The following RANBP2 variants were observed in gnomAD, a reference collection of about 807,000 sequenced individuals.
The protein encoded by RANBP2 is E3 SUMO-protein ligase RanBP2.
In RANBP2, 57 loss-of-function variants were observed where a neutral mutation model predicts 303.6. That is an observed-to-expected ratio of 0.19 (90% CI 0.15 to 0.23). The LOEUF is 0.23. Ranked by LOEUF, RANBP2 falls within the 10% of genes least tolerant of loss-of-function variation. The pLI is 1.00. For missense variants in RANBP2, 3,138 were observed against 3,780.8 expected (o/e 0.83, Z 4.46); for synonymous variants, 1,167 against 1,301.5 (o/e 0.90, Z 2.23).
At chr2:109,658,014 C>T in the RANBP2 span, among the ~76,000 whole-genome samples, 6 of 151,834 alleles carry the variant, frequency 4.0e-5, no homozygotes, top group South Asian at 2.1e-4. Context: ...GCCACCGTGC[C>T]GGGCCTGAGT....
the RANBP2 span, chr2:109,398,446 C>T: frequency 3.4e-5 from 26 of 761,114 alleles, no homozygotes; most frequent in Non-Finnish European, 5.0e-5. Context: ...ACCCCACCAG[C>T]CTCTTCTGTG....
At chr2:109,546,122 G>A in the RANBP2 span, 4 of 1,611,354 alleles carry the variant, frequency 2.5e-6, no homozygotes, top group East Asian at 9.0e-5. Context: ...TATCTCGGAG[G>A]TAGCTTTCTT....
At chr2:109,022,776 C>T in the RANBP2 span, among the ~76,000 whole-genome samples, 1 of 152,124 alleles carries the variant, frequency 6.6e-6, no homozygotes, top group Non-Finnish European at 1.5e-5. Flanking sequence ...ATTGGCTGGG[C>T]GTGGTGGCTC....
chr2:109,665,476 G>A, the RANBP2 span: 11,936 of 152,032 alleles, frequency 0.079, 911 homozygotes, highest in East Asian at 0.24. Flanking sequence ...CAAGTAGCTG[G>A]GATTACAGGC....
the RANBP2 span, among the ~76,000 whole-genome samples, chr2:108,923,797 C>T: frequency 5.3e-5 from 8 of 152,226 alleles, no homozygotes; most frequent in African/African-American, 1.9e-4. Context: ...GCTTAGCCCC[C>T]CAGGGGTCAC....
At chr2:109,334,381 TA>T in the RANBP2 span, among the ~76,000 whole-genome samples, 38,714 of 144,056 alleles carry the variant, frequency 0.27, 6,730 homozygotes, top group African/African-American at 0.5. Context: ...AAAAAAATCT[TA>T]AAAAAAAATA....
chr2:109,106,152 T>C, the RANBP2 span, among the ~76,000 whole-genome samples: 1 of 152,036 alleles, frequency 6.6e-6, no homozygotes. Flanking sequence ...TGAGCCACCA[T>C]GCTCGGCCCT....
At chr2:109,542,900 AC>A in the RANBP2 span, 5 of 152,728 alleles carry the variant, frequency 3.3e-5, no homozygotes, top group Admixed American at 2.6e-4. Flanking sequence ...CTCATAAAAT[AC>A]CTCATCTCCA....
At chr2:108,729,065 C>T in intron 1 of RANBP2, 67 bp from the exon 2 acceptor site, 2 of 1,506,446 alleles carry the variant, frequency 1.3e-6, no homozygotes, top group African/African-American at 1.4e-5. Flanking sequence ...CAGATTTTTA[C>T]TACTTTTGAA....
chr2:109,690,045 T>C, the RANBP2 span, among the ~76,000 whole-genome samples: 1 of 152,154 alleles, frequency 6.6e-6, no homozygotes, highest in African/African-American at 2.4e-5. Context: ...CTAGGAGTTA[T>C]TGGTCCAGTG....
chr2:109,248,224 A>G, the RANBP2 span, among the ~76,000 whole-genome samples: 3 of 152,364 alleles, frequency 2.0e-5, no homozygotes, highest in East Asian at 3.9e-4. Context: ...TCAGATGAAT[A>G]GGAGTTCTTA....
the RANBP2 span, among the ~76,000 whole-genome samples, chr2:109,472,933 T>C: frequency 6.6e-6 from 1 of 152,190 alleles, no homozygotes; most frequent in African/African-American, 2.4e-5. Context: ...CCTAATCTCC[T>C]TTGAAGCAAT....
At chr2:109,273,237 T>G in the RANBP2 span, among the ~76,000 whole-genome samples, 1 of 152,240 alleles carries the variant, frequency 6.6e-6, no homozygotes, top group Admixed American at 6.5e-5. Flanking sequence ...TGTTCAGTGC[T>G]GCCTGCCAGG....
At chr2:108,747,904 G>A (rs1696637746) in intron 8 of RANBP2, among the ~76,000 whole-genome samples, 1 of 152,170 alleles carries the variant, frequency 6.6e-6, no homozygotes, top group South Asian at 2.1e-4. Context: ...GTCAGTTTTA[G>A]AAGATTTTCA....
At chr2:109,286,327 A>G in the RANBP2 span, among the ~76,000 whole-genome samples, 1 of 152,162 alleles carries the variant, frequency 6.6e-6, no homozygotes, top group Non-Finnish European at 1.5e-5. Context: ...TGTAAGAAGA[A>G]TGAAGGTGTG....
the RANBP2 span, among the ~76,000 whole-genome samples, chr2:109,132,505 T>C: frequency 6.6e-6 from 1 of 151,988 alleles, no homozygotes; most frequent in Admixed American, 6.6e-5. Context: ...CCTGAGCCAT[T>C]TGAGATAAAG....
the RANBP2 span, among the ~76,000 whole-genome samples, chr2:108,958,199 A>G: frequency 6.6e-6 from 1 of 152,148 alleles, no homozygotes; most frequent in Non-Finnish European, 1.5e-5. Flanking sequence ...GTGTCTCTGA[A>G]GTCTGGAATG....
the RANBP2 span, among the ~76,000 whole-genome samples, chr2:109,021,171 T>C: frequency 6.6e-6 from 1 of 152,184 alleles, no homozygotes; most frequent in African/African-American, 2.4e-5. Context: ...CTGTGGCACA[T>C]TGGTTAGTGC....
the RANBP2 span, among the ~76,000 whole-genome samples, chr2:108,890,006 G>C: frequency 6.6e-6 from 1 of 151,984 alleles, no homozygotes; most frequent in South Asian, 2.1e-4. Flanking sequence ...AAATTCCCTT[G>C]AGCATTTATT....
Sources: allele counts gnomAD v4.1 joint callset (sites outside exome capture counted in the v4.1 genomes callset), GRCh38; gene constraint gnomAD v4.1.1; transcripts MANE v1.5; gene names NCBI Gene and HGNC (gene_info 2026-07-23, HGNC 2026-07-21).